Variants in MET observed in about 807,000 individuals in gnomAD.
MET encodes the protein hepatocyte growth factor receptor.
In MET, 48 loss-of-function variants were observed where a neutral mutation model predicts 133.1. That is an observed-to-expected ratio of 0.36 (90% CI 0.29 to 0.46). MET has a LOEUF of 0.46. Among genes scored for constraint, MET ranks in the 20% least tolerant of loss-of-function variants. The pLI, the probability that MET is intolerant of heterozygous loss-of-function variation, is 1.00. For synonymous variants in MET, 628 were observed against 616.5 expected, an observed-to-expected ratio of 1.02 and a Z score of -0.28; for missense variants, 1,442 against 1,695.9, an observed-to-expected ratio of 0.85 and a Z score of 2.63.
chr7:116,706,983 A>T (rs1791822523), intron 2 of MET, among the ~76,000 whole-genome samples: 1 of 151,148 alleles, frequency 6.6e-6, no homozygotes, highest in African/African-American at 2.4e-5. Flanking sequence ...TTTTCTAACT[A>T]AAATGTTCCA....
chr7:116,789,776 C>CA (rs768338757), intron 19 of MET, among the ~76,000 whole-genome samples: 20 of 151,930 alleles, frequency 1.3e-4, no homozygotes, highest in African/African-American at 2.2e-4. Flanking sequence ...CTTATTGTGG[C>CA]AAAAAAATAC....
At chr7:116,757,946 C>T in intron 8 of MET, 172 bp downstream of exon 8, 1 of 704,660 alleles carries the variant, frequency 1.4e-6, no homozygotes, top group African/African-American at 1.8e-5. Context: ...ACTCCTTTTG[C>T]TGATTTTTCT....
At chr7:116,682,332 G>T (rs1796391515) in intron 1 of MET, among the ~76,000 whole-genome samples, 1 of 152,086 alleles carries the variant, frequency 6.6e-6, no homozygotes, top group South Asian at 2.1e-4. Flanking sequence ...ATCCCTAAAT[G>T]GGTTTTAATT....
chr7:116,722,285 C>G (rs1461130710), intron 2 of MET, among the ~76,000 whole-genome samples: 1 of 150,938 alleles, frequency 6.6e-6, no homozygotes, highest in Non-Finnish European at 1.5e-5. Context: ...TCTGTTTTAT[C>G]AGAGACTAGG....
chr7:116,720,910 G>C (rs200327980), intron 2 of MET, among the ~76,000 whole-genome samples: 1 of 144,432 alleles, frequency 6.9e-6, no homozygotes, highest in African/African-American at 2.6e-5. Flanking sequence ...GAGGATTTTT[G>C]CATCAATGTT....
chr7:116,789,936 T>C (rs1160590573), intron 19 of MET, among the ~76,000 whole-genome samples: 2 of 152,178 alleles, frequency 1.3e-5, no homozygotes, highest in African/African-American at 4.8e-5. Flanking sequence ...TCGGCATGCA[T>C]TAGCTGCTTT....
chr7:116,722,570 C>T (rs2116719686), intron 2 of MET, among the ~76,000 whole-genome samples: 2 of 151,580 alleles, frequency 1.3e-5, no homozygotes, highest in East Asian at 3.9e-4. Flanking sequence ...CAGTTTCTTC[C>T]TAGTCTCAAT....
chr7:116,779,060 T>C (rs1584961506), intron 17 of MET, 103 bp downstream of exon 17: 1 of 1,159,522 alleles, frequency 8.6e-7, no homozygotes, highest in Non-Finnish European at 1.3e-6. Flanking sequence ...TAGCCAAAGA[T>C]GCACATTTAA....
chr7:116,714,968 G>A (rs1183073399), intron 2 of MET, among the ~76,000 whole-genome samples: 1 of 152,084 alleles, frequency 6.6e-6, no homozygotes, highest in African/African-American at 2.4e-5. Context: ...ATAGGTGTGA[G>A]TGTTTCCATT....
chr7:116,766,364 G>A (rs1427165500), intron 11 of MET, among the ~76,000 whole-genome samples: 5 of 152,102 alleles, frequency 3.3e-5, no homozygotes, highest in Non-Finnish European at 2.9e-5. Flanking sequence ...GGCAGGGAGC[G>A]GGGACTTGGT....
intron 19 of MET, among the ~76,000 whole-genome samples, chr7:116,795,211 G>T (rs1385990783): frequency 6.6e-6 from 1 of 151,998 alleles, no homozygotes; most frequent in Non-Finnish European, 1.5e-5. Flanking sequence ...TTTCAATGTG[G>T]TTACATTTCT....
chr7:116,777,899 G>T (rs1171406746), intron 16 of MET, among the ~76,000 whole-genome samples: 1 of 152,104 alleles, frequency 6.6e-6, no homozygotes, highest in African/African-American at 2.4e-5. Flanking sequence ...ACAAACAGGA[G>T]AAAACTACGC....
At chr7:116,675,085 AAAAT>A (rs1562870176) in intron 1 of MET, among the ~76,000 whole-genome samples, 1 of 152,244 alleles carries the variant, frequency 6.6e-6, no homozygotes, top group Non-Finnish European at 1.5e-5. Flanking sequence ...TGCTCAGTGC[AAAAT>A]AAATAGTCAC....
chr7:116,718,473 C>T (rs1252304350), intron 2 of MET, among the ~76,000 whole-genome samples: 2 of 151,338 alleles, frequency 1.3e-5, no homozygotes, highest in East Asian at 3.9e-4. Context: ...CAGAGACATA[C>T]GATTATTTTA....
intron 1 of MET, among the ~76,000 whole-genome samples, chr7:116,681,260 G>C (rs918052587): frequency 6.6e-6 from 1 of 151,910 alleles, no homozygotes; most frequent in Non-Finnish European, 1.5e-5. Flanking sequence ...CTACTCCCAG[G>C]CACTCTAAAT....
chr7:116,760,386 C>T (rs1358106817), intron 10 of MET, among the ~76,000 whole-genome samples: 1 of 152,124 alleles, frequency 6.6e-6, no homozygotes, highest in Non-Finnish European at 1.5e-5. Context: ...TCCACCTATC[C>T]TTATTTTATA....
Position 116,699,612 on chromosome 7 carries a change from G to A in MET, c.528G>A (p.Val176=). ...AGCCCAGCCAGTGTCCTGACTGTGTGGTGAGCGCCCTGGGAGCCAAAGTCC... is the reference window on the plus strand; with the variant it reads ...AGCCCAGCCAGTGTCCTGACTGTGTAGTGAGCGCCCTGGGAGCCAAAGTCC... ...IEEPSQCPDC[V]VSALGAKVLS... The change falls in exon 2 of 21, where the codon GTG becomes GTA. Residue 176 remains valine, a synonymous_variant. Transcript: ENST00000397752. 1.2e-6 allele frequency: 2 copies of A among 1,613,948 alleles called. No individual in the cohort carries two copies. The highest frequency in any genetic ancestry group is 1.7e-6 in the Non-Finnish European group (2 of 1,179,938).
intron 19 of MET, among the ~76,000 whole-genome samples, chr7:116,795,439 T>G (rs1795638428): frequency 6.6e-6 from 1 of 152,246 alleles, no homozygotes; most frequent in Non-Finnish European, 1.5e-5. Flanking sequence ...GATATTCTTT[T>G]AGAAAACTTT....
intron 5 of MET, among the ~76,000 whole-genome samples, chr7:116,746,937 A>G (rs536475974): frequency 6.6e-6 from 1 of 152,202 alleles, no homozygotes; most frequent in South Asian, 2.1e-4. Flanking sequence ...TAAAAAATAT[A>G]TATAAAAAAA....
Sources: allele counts gnomAD v4.1 joint callset (sites outside exome capture counted in the v4.1 genomes callset), GRCh38; gene constraint gnomAD v4.1.1; transcripts MANE v1.5; gene names NCBI Gene and HGNC (gene_info 2026-07-23, HGNC 2026-07-21).